The following NRG3 variants were observed in gnomAD, a reference collection of about 807,000 sequenced individuals.
The protein encoded by NRG3 is pro-neuregulin-3, membrane-bound isoform.
In NRG3, 31 loss-of-function variants were observed where a neutral mutation model predicts 66.9. That is an observed-to-expected ratio of 0.46 (90% CI 0.35 to 0.63). NRG3 has a LOEUF of 0.63. Ranked by LOEUF, NRG3 falls within the 20% of genes least tolerant of loss-of-function variation. The probability of loss-of-function intolerance (pLI) is 0.00; values close to 1 mark genes in which losing one functional copy is unlikely to be tolerated. For missense variants in NRG3, 910 were observed against 878.9 expected (o/e 1.04, Z -0.45); for synonymous variants, 393 against 359.4 (o/e 1.09, Z -1.06).
intron 1 of NRG3, among the ~76,000 whole-genome samples, chr10:82,221,905 C>T (rs538908947): frequency 7.2e-5 from 11 of 152,054 alleles, no homozygotes; most frequent in Middle Eastern, 3.4e-3. Context: ...TCCCTCGGGA[C>T]GGACACTTCC....
chr10:82,454,458 TA>T (rs564650150), intron 2 of NRG3, among the ~76,000 whole-genome samples: 2 of 151,286 alleles, frequency 1.3e-5, no homozygotes, highest in African/African-American at 2.4e-5. Context: ...TTAAAAAAAA[TA>T]AAAAAATGCC....
intron 1 of NRG3, among the ~76,000 whole-genome samples, chr10:82,178,139 A>T (rs2073169074): frequency 6.6e-6 from 1 of 152,202 alleles, no homozygotes; most frequent in Admixed American, 6.5e-5. Context: ...TATTATAAAT[A>T]TTCTAATGAA....
chr10:82,869,051 T>C (rs1564585056), intron 4 of NRG3, among the ~76,000 whole-genome samples: 1 of 152,162 alleles, frequency 6.6e-6, no homozygotes, highest in Non-Finnish European at 1.5e-5. Context: ...GAAAGTGCCA[T>C]CATCCCAAGT....
At chr10:82,851,322 G>A (rs974495912) in intron 3 of NRG3, among the ~76,000 whole-genome samples, 3 of 152,050 alleles carry the variant, frequency 2.0e-5, no homozygotes, top group Non-Finnish European at 4.4e-5. Flanking sequence ...CGGAGCTTGG[G>A]GGTTGGGCAG....
intron 1 of NRG3, among the ~76,000 whole-genome samples, chr10:82,099,276 T>C (rs550930593): frequency 7.2e-5 from 11 of 152,340 alleles, no homozygotes; most frequent in African/African-American, 2.6e-4. Flanking sequence ...TTATAAAACA[T>C]AAAATTTGGT....
chr10:82,597,192 G>A (rs2047336204), intron 2 of NRG3, among the ~76,000 whole-genome samples: 1 of 152,168 alleles, frequency 6.6e-6, no homozygotes. Flanking sequence ...GTGTATGTTT[G>A]CATGTGGGGG....
At chr10:82,319,066 A>G (rs1336951861) in intron 1 of NRG3, among the ~76,000 whole-genome samples, 1 of 152,262 alleles carries the variant, frequency 6.6e-6, no homozygotes, top group Non-Finnish European at 1.5e-5. Context: ...CCCACCAAAT[A>G]TTGTTATAGG....
intron 1 of NRG3, among the ~76,000 whole-genome samples, chr10:82,234,299 A>G (rs1238469214): frequency 1.3e-5 from 2 of 152,238 alleles, no homozygotes; most frequent in African/African-American, 4.8e-5. Flanking sequence ...GTAATTAAAT[A>G]AAGATCTCCA....
intron 1 of NRG3, among the ~76,000 whole-genome samples, chr10:81,923,523 G>C (rs1041498363): frequency 6.6e-6 from 1 of 152,110 alleles, no homozygotes; most frequent in Non-Finnish European, 1.5e-5. Context: ...AATTTCTTGT[G>C]GGGTAGGCAA....
rs368707014 is a variant in NRG3, at chr10:82,041,106, C to T, written c.823+164943C>T. 6.9e-4 allele frequency among the ~76,000 whole-genome samples: 105 copies of T among 152,186 alleles called. 1 individual carries two copies. Among genetic ancestry groups the T allele is most frequent in the African/African-American group, 2.3e-3 (94 of 41,546 alleles). ...CCATAAGTAATTAAACTATGTCATT[C>T]GCATTTGAAAATACCATGACTACAG... On this transcript the variant is annotated intron_variant, in intron 1 of 8. Transcript: ENST00000372141.
chr10:82,551,177 T>C (rs921714646), intron 2 of NRG3, among the ~76,000 whole-genome samples: 3 of 152,084 alleles, frequency 2.0e-5, no homozygotes, highest in African/African-American at 7.2e-5. Flanking sequence ...ATACAGTATT[T>C]GAGGAAGTAG....
intron 2 of NRG3, among the ~76,000 whole-genome samples, chr10:82,436,511 A>C (rs2136386070): frequency 6.6e-6 from 1 of 152,246 alleles, no homozygotes; most frequent in East Asian, 1.9e-4. Context: ...GTGTCTTTTA[A>C]GTTTTGGCAT....
intron 2 of NRG3, among the ~76,000 whole-genome samples, chr10:82,473,083 A>T (rs868632019): frequency 6.6e-6 from 1 of 152,214 alleles, no homozygotes; most frequent in Middle Eastern, 3.2e-3. Flanking sequence ...CTTTCTGTGA[A>T]CACACCCAGT....
At chr10:82,658,332 C>G (rs1349297508) in intron 2 of NRG3, among the ~76,000 whole-genome samples, 1 of 152,050 alleles carries the variant, frequency 6.6e-6, no homozygotes, top group Non-Finnish European at 1.5e-5. Context: ...ACTTATTTAA[C>G]AGAATCCAAC....
intron 1 of NRG3, among the ~76,000 whole-genome samples, chr10:82,251,827 G>A (rs969565414): frequency 6.6e-6 from 1 of 152,118 alleles, no homozygotes; most frequent in Non-Finnish European, 1.5e-5. Flanking sequence ...TGCAGGCCTG[G>A]GTGCTTTCTG....
rs930264634 is a variant in NRG3 at position 82,957,685 on chromosome 10, T to C, written c.1158-1264T>C. 1.4e-4 allele frequency among the ~76,000 whole-genome samples: 21 copies of C among 151,804 alleles called. 2 individuals are homozygous for C. The highest frequency in any genetic ancestry group is 5.1e-4 in the African/African-American group (21 of 41,098). On this transcript the variant is annotated intron_variant, in intron 5 of 8. Coordinates refer to ENST00000372141, the MANE Select transcript of NRG3 (RefSeq NM_001010848.4). ...ATGCCCAGCAACTTCCTGTCCACCC[T>C]TGGACTGGCACCATCCTTTCTATTG...
At chr10:82,598,420 C>G (rs941842788) in intron 2 of NRG3, among the ~76,000 whole-genome samples, 1 of 152,144 alleles carries the variant, frequency 6.6e-6, no homozygotes, top group Non-Finnish European at 1.5e-5. Context: ...AATATGCACA[C>G]GAAGGTTGTG....
chr10:82,194,026 T>G (rs1358920890), intron 1 of NRG3, among the ~76,000 whole-genome samples: 3 of 151,898 alleles, frequency 2.0e-5, no homozygotes, highest in African/African-American at 7.3e-5. Flanking sequence ...GCTAGTCAGG[T>G]TGAAGGAAAA....
chr10:82,423,552 A>C (rs2089222011), intron 2 of NRG3, among the ~76,000 whole-genome samples: 1 of 151,796 alleles, frequency 6.6e-6, no homozygotes, highest in South Asian at 2.1e-4. Context: ...TTTTTTCTGA[A>C]TCCAATATGT....
Sources: gnomAD v4.1 joint callset for allele counts (sites outside exome capture counted in the v4.1 genomes callset) on GRCh38, gnomAD v4.1.1 for gene constraint, MANE v1.5 for transcripts, NCBI Gene and HGNC (gene_info 2026-07-23, HGNC 2026-07-21) for gene names.